Variants in DHRSX observed in about 807,000 individuals in gnomAD.
DHRSX encodes polyprenol dehydrogenase.
In DHRSX, 31 loss-of-function variants were observed where a neutral mutation model predicts 34.0. That is an observed-to-expected ratio of 0.91 (90% CI 0.69 to 1.23). The LOEUF (loss-of-function observed/expected upper bound fraction) is 1.23, where lower values mean the gene tolerates loss of function less well. Ranked by LOEUF, DHRSX falls within the 50% of genes most tolerant of loss-of-function variation. DHRSX has a pLI of 0.00. For missense variants in DHRSX, 414 were observed against 428.1 expected (o/e 0.97, Z 0.29); for synonymous variants, 201 against 183.8 (o/e 1.09, Z -0.76).
At chrX:2,350,286 G>T (rs1208205152) in intron 3 of DHRSX, among the ~76,000 whole-genome samples, 1 of 152,050 alleles carries the variant, frequency 6.6e-6, no homozygotes, top group Admixed American at 6.6e-5. Context: ...GGGAGGCGGA[G>T]GTTGCAGTGA....
chrX:2,239,609 T>A lies in DHRSX; in HGVS notation c.804+3414A>T, dbSNP rs1482682733. On this transcript the variant is annotated intron_variant, in intron 6 of 6. Transcript: ENST00000334651. ...GTCTCTACTAAAAAAAAATAAAAAATAAAAAAAAAATTAGCCAGACGTGGT... is the reference window on the plus strand; with the variant it reads ...GTCTCTACTAAAAAAAAATAAAAAAAAAAAAAAAAATTAGCCAGACGTGGT... 6.3e-4 allele frequency among the ~76,000 whole-genome samples: 93 copies of A among 147,254 alleles called. No individual in the cohort carries two copies. The East Asian group carries it at 0.019, about 29-fold the overall frequency.
In DHRSX at chrX:2,375,593, G is replaced by A. The variant is rs369105372; in HGVS notation, c.286+33152C>T. On this transcript the variant is annotated intron_variant, in intron 3 of 6. Transcript: ENST00000334651. The stretch of plus-strand genomic sequence containing the variant: ...TCTTGAGTCAGCAAGAGAACGGCTC[G>A]ATGGGATGGTTGGTTGGTTGGTCGG... 1.5e-4 allele frequency among the ~76,000 whole-genome samples: 20 copies of A among 135,894 alleles called. 2 individuals are homozygous for A. Among genetic ancestry groups the A allele is most frequent in the African/African-American group, 4.2e-4 (17 of 40,254 alleles). 89.2% of individuals were successfully genotyped at this position (135,894 alleles called of 152,430 possible).
chrX:2,286,348 T>C (rs2041805098), intron 4 of DHRSX, among the ~76,000 whole-genome samples: 1 of 152,038 alleles, frequency 6.6e-6, no homozygotes, highest in African/African-American at 2.4e-5. Context: ...ACTTCCTCTC[T>C]AAATCAAGGT....
Position 2,500,939 on chromosome X carries a change from G to A in DHRSX, c.-14C>T, listed in dbSNP as rs1458073317. 31 of 1,050,296 alleles carry A rather than the reference G, an allele frequency of 3.0e-5. No individual in the cohort carries two copies. In the Middle Eastern group the frequency reaches 1.3e-3, roughly 45 times the overall value. The allele number at this position is 1,050,296 out of a possible 1,614,324, so 65.1% of individuals were successfully genotyped here. On this transcript the variant is annotated 5_prime_UTR_variant, in exon 1 of 7. Coordinates refer to ENST00000334651, the MANE Select transcript of DHRSX (RefSeq NM_145177.3). ...CAATGGCGACATGGCTGCCCCGGCC[G>A]CGCCGCCGCCGCTTCCGCGCCGCCC...
chrX:2,411,167 G>C (rs2043622479), intron 2 of DHRSX, among the ~76,000 whole-genome samples: 1 of 152,090 alleles, frequency 6.6e-6, no homozygotes, highest in African/African-American at 2.4e-5. Flanking sequence ...ACATTCATGA[G>C]CTTATTTATG....
At chrX:2,422,253 G>A (rs1372479612) in intron 2 of DHRSX, among the ~76,000 whole-genome samples, 1 of 152,084 alleles carries the variant, frequency 6.6e-6, no homozygotes, top group Admixed American at 6.6e-5. Flanking sequence ...AATCAATAAT[G>A]GGCATTGGTT....
At chrX:2,319,106 AAAG>A (rs1268513638) in intron 3 of DHRSX, among the ~76,000 whole-genome samples, 2 of 152,058 alleles carry the variant, frequency 1.3e-5, no homozygotes, top group Admixed American at 6.6e-5. Context: ...AAAAAAATCA[AAAG>A]AAGGATAACA....
intron 4 of DHRSX, among the ~76,000 whole-genome samples, chrX:2,286,529 T>C (rs2041807224): frequency 6.6e-6 from 1 of 152,194 alleles, no homozygotes; most frequent in Non-Finnish European, 1.5e-5. Flanking sequence ...CGAAGCTCCA[T>C]GGTTCTGTTG....
chrX:2,388,871 ATAGAC>A (rs1380372914), intron 3 of DHRSX, among the ~76,000 whole-genome samples: 1 of 151,494 alleles, frequency 6.6e-6, no homozygotes, highest in Admixed American at 6.6e-5. Flanking sequence ...GCAGCCTGAA[ATAGAC>A]TAAGACATTT....
At chrX:2,330,146 A>T (rs2042445149) in intron 3 of DHRSX, among the ~76,000 whole-genome samples, 1 of 115,900 alleles carries the variant, frequency 8.6e-6, no homozygotes, top group East Asian at 2.8e-4. Flanking sequence ...AAGGAGGAGG[A>T]GGAGAAAGGA....
chrX:2,312,723 A>C (rs1051697100), intron 3 of DHRSX, among the ~76,000 whole-genome samples: 23 of 152,086 alleles, frequency 1.5e-4, no homozygotes, highest in African/African-American at 5.6e-4. Context: ...AATTAAAAAA[A>C]ATAAAAGAAA....
At chrX:2,289,488 A>G (rs910958094) in intron 4 of DHRSX, among the ~76,000 whole-genome samples, 1 of 152,146 alleles carries the variant, frequency 6.6e-6, no homozygotes, top group African/African-American at 2.4e-5. Flanking sequence ...TAGTCGCACA[A>G]AAGTCCTAAG....
intron 1 of DHRSX, among the ~76,000 whole-genome samples, chrX:2,433,330 C>G (rs1352269337): frequency 6.6e-6 from 1 of 152,060 alleles, no homozygotes. Context: ...AAATGGCCCT[C>G]AACACATATG....
intron 3 of DHRSX, among the ~76,000 whole-genome samples, chrX:2,381,777 C>T (rs969898292): frequency 1.1e-4 from 15 of 135,696 alleles, no homozygotes; most frequent in Non-Finnish European, 2.1e-4. Context: ...GTAGCATCCC[C>T]GTTCTCAGGA....
intron 3 of DHRSX, among the ~76,000 whole-genome samples, chrX:2,398,965 A>G (rs181291847): frequency 0.031 from 4,668 of 151,442 alleles, 170 homozygotes; most frequent in East Asian, 0.095. Context: ...CCATTCTCCC[A>G]CCTCAGCCTC....
chrX:2,471,637 C>T (rs894206367), intron 1 of DHRSX, among the ~76,000 whole-genome samples: 1 of 151,982 alleles, frequency 6.6e-6, no homozygotes, highest in Non-Finnish European at 1.5e-5. Context: ...CATCAGGCAC[C>T]CCAAAGATTC....
intron 1 of DHRSX, among the ~76,000 whole-genome samples, chrX:2,452,279 GACC>G (rs1284107835): frequency 6.6e-6 from 1 of 151,382 alleles, no homozygotes; most frequent in East Asian, 2.0e-4. Flanking sequence ...GTGGCTAAGG[GACC>G]ACCACCATGT....
At chrX:2,375,677 A>G (rs1227497163) in intron 3 of DHRSX, among the ~76,000 whole-genome samples, 2 of 136,442 alleles carry the variant, frequency 1.5e-5, no homozygotes, top group African/African-American at 5.0e-5. Flanking sequence ...TCTGTCGCCA[A>G]GCTGGAGGGC....
At chrX:2,292,751 G>A (rs1357781439) in intron 3 of DHRSX, among the ~76,000 whole-genome samples, 2 of 150,612 alleles carry the variant, frequency 1.3e-5, no homozygotes, top group African/African-American at 2.4e-5. Context: ...TCTTCCACAG[G>A]AGAATATAGA....
Sources: gnomAD v4.1 joint callset for allele counts (sites outside exome capture counted in the v4.1 genomes callset) on GRCh38, gnomAD v4.1.1 for gene constraint, MANE v1.5 for transcripts, NCBI Gene and HGNC (gene_info 2026-07-23, HGNC 2026-07-21) for gene names.